GABRA1: variants seen among roughly 807,000 people sequenced by gnomAD.
The protein encoded by GABRA1 is gamma-aminobutyric acid receptor subunit alpha-1.
In GABRA1, 9 loss-of-function variants were observed where a neutral mutation model predicts 48.9. The ratio of observed to expected loss-of-function variants is 0.18; its 90% CI spans 0.11 to 0.32. The LOEUF is 0.32. Among genes scored for constraint, GABRA1 ranks in the 10% least tolerant of loss-of-function variants. The probability of loss-of-function intolerance (pLI) is 1.00; values close to 1 mark genes in which losing one functional copy is unlikely to be tolerated. For synonymous variants in GABRA1, 210 were observed against 198.7 expected (o/e 1.06, Z -0.48); for missense variants, 285 against 553.8 (o/e 0.51, Z 4.87).
rs1478982595 is a variant in GABRA1 at position 161,899,563 on chromosome 5, A to G, written c.*2141A>G. The G allele has an allele frequency of 6.6e-6, 1 of 151,998 alleles. No homozygotes were observed. Among genetic ancestry groups the G allele is most frequent in the African/African-American group, 2.4e-5 (1 of 41,402 alleles). The allele number at this position is 151,998 out of a possible 1,614,324, so 9.4% of individuals were successfully genotyped here. Reference sequence around the variant, plus strand: ...TTATTAGTCTGCTTCCTGCTACGCAATGACTGCATTTCTATCATTTCTCAG... The same window carrying G: ...TTATTAGTCTGCTTCCTGCTACGCAGTGACTGCATTTCTATCATTTCTCAG... On this transcript the variant is annotated 3_prime_UTR_variant, in exon 10 of 10. Coordinates refer to ENST00000393943, the MANE Select transcript of GABRA1 (RefSeq NM_001127644.2).
chr5:161,850,081 T>TTGTGTGTGTG (rs61241552), intron 1 of GABRA1: 35,289 of 147,810 alleles, frequency 0.24, 4,404 homozygotes, highest in East Asian at 0.47. Flanking sequence ...TTGTGTGCAT[T>TTGTGTGTGTG]TGTGTGTGTG....
At chr5:161,879,914 T>C (rs994125011) in intron 6 of GABRA1, among the ~76,000 whole-genome samples, 10 of 152,178 alleles carry the variant, frequency 6.6e-5, no homozygotes, top group African/African-American at 2.4e-4. Flanking sequence ...TATAAAAAGA[T>C]AGGGTGCAGA....
chr5:161,873,771 T>C (rs1754226643), intron 5 of GABRA1, among the ~76,000 whole-genome samples: 1 of 152,150 alleles, frequency 6.6e-6, no homozygotes, highest in Non-Finnish European at 1.5e-5. Flanking sequence ...GACATAGGTA[T>C]TTTAAGAAGT....
rs528778898 is a variant in GABRA1, at chr5:161,866,930, C to G, written c.255+1142C>G. Among the ~76,000 whole-genome samples the G allele has an allele frequency of 8.5e-5, 13 of 152,148 alleles. No individual in the cohort carries two copies. The East Asian group carries it at 2.5e-3, about 29-fold the overall frequency. On this transcript the variant is annotated intron_variant, in intron 4 of 9. Coordinates refer to ENST00000393943, the MANE Select transcript of GABRA1 (RefSeq NM_001127644.2). ...AATGCAGATTTCTGAACCAGATTGCCTGGTTTATAATGCCAGCTACTTCAC... is the reference window on the plus strand; with the variant it reads ...AATGCAGATTTCTGAACCAGATTGCGTGGTTTATAATGCCAGCTACTTCAC...
chr5:161,876,600 A>G (rs1754365680), intron 6 of GABRA1, among the ~76,000 whole-genome samples: 2 of 152,190 alleles, frequency 1.3e-5, no homozygotes, highest in African/African-American at 2.4e-5. Flanking sequence ...TCAGTCCTGG[A>G]GAGAGAATTT....
chr5:161,883,058 T>C (rs989605105), intron 7 of GABRA1, among the ~76,000 whole-genome samples: 1 of 152,170 alleles, frequency 6.6e-6, no homozygotes, highest in Non-Finnish European at 1.5e-5. Context: ...TTGGAAGAAA[T>C]ACATTAAATT....
At chr5:161,866,271 A>G (rs1016607881) in intron 4 of GABRA1, among the ~76,000 whole-genome samples, 1 of 152,124 alleles carries the variant, frequency 6.6e-6, no homozygotes, top group African/African-American at 2.4e-5. Flanking sequence ...CACCACCAGG[A>G]AACATTCTGC....
chr5:161,858,522 C>A (rs1445481182), intron 3 of GABRA1, among the ~76,000 whole-genome samples: 1 of 151,706 alleles, frequency 6.6e-6, no homozygotes, highest in Admixed American at 6.6e-5. Flanking sequence ...GCCAAAATCC[C>A]AGGTGAGCCA....
In GABRA1 at chr5:161,897,987, T is replaced by C. The variant is rs1183105798; in HGVS notation, c.*565T>C. The C allele has an allele frequency of 6.6e-6, 1 of 151,724 alleles. No homozygotes were observed. The highest frequency in any genetic ancestry group is 6.6e-5 in the Admixed American group (1 of 15,210). The allele number at this position is 151,724 out of a possible 1,614,324, so 9.4% of individuals were successfully genotyped here. ...AGCTGAAGATCCCCATTCTTTCTCT[T>C]TGAAAAAAAAAAAGGCCTAATGCAT... On this transcript the variant is annotated 3_prime_UTR_variant, in exon 10 of 10. Transcript: ENST00000393943.
chr5:161,892,742 C>T (rs1255682363), intron 8 of GABRA1, among the ~76,000 whole-genome samples: 1 of 152,070 alleles, frequency 6.6e-6, no homozygotes, highest in African/African-American at 2.4e-5. Flanking sequence ...ACGGGGCCCA[C>T]GTCTGTAATC....
intron 8 of GABRA1, among the ~76,000 whole-genome samples, chr5:161,894,442 C>T (rs1408893388): frequency 1.3e-5 from 2 of 152,076 alleles, no homozygotes; most frequent in East Asian, 1.9e-4. Flanking sequence ...GCAAAAATGT[C>T]CTTCTCCTAG....
chr5:161,891,205 A>G (rs1310543189), intron 8 of GABRA1, among the ~76,000 whole-genome samples, 155 bp downstream of exon 8: 2 of 152,186 alleles, frequency 1.3e-5, no homozygotes, highest in Non-Finnish European at 2.9e-5. Context: ...TCATTATGGT[A>G]TATATTTTTT....
intron 3 of GABRA1, among the ~76,000 whole-genome samples, chr5:161,856,745 T>C (rs1757661396): frequency 6.6e-6 from 1 of 151,280 alleles, no homozygotes; most frequent in Non-Finnish European, 1.5e-5. Context: ...ATTACTTATA[T>C]CTACAGAGTC....
In GABRA1 at chr5:161,854,226, G is replaced by C; in HGVS notation, c.143G>C (p.Arg48Thr). 6.2e-7 allele frequency: 1 copy of C among 1,608,978 alleles called. No individual in the cohort carries two copies. The highest frequency in any genetic ancestry group is 8.5e-7 in the Non-Finnish European group (1 of 1,175,648). The change falls in exon 3 of 10, where the codon AGA becomes ACA. Residue 48 changes from arginine to threonine, a missense_variant. By Grantham distance (71) the Arg-to-Thr change is moderately conservative. This residue lies in a region of GABRA1 where 105 missense variants were observed against 267.4 expected (regional missense o/e 0.39). Transcript: ENST00000393943. ...ACTGTCTTCACCAGGATTTTGGACA[G>C]ACTCCTAGATGGTTATGACAATCGC... ...NTTVFTRILD[R>T]LLDGYDNRLR...
chr5:161,872,226 CAAAT>C (rs2113377720), intron 4 of GABRA1: 1 of 152,680 alleles, frequency 6.5e-6, no homozygotes, highest in East Asian at 1.9e-4. Context: ...GCCAGTGTGG[CAAAT>C]ACTGCAAGAA....
At position 161,895,648 on chromosome 5, in the gene GABRA1, T is replaced by TA; in HGVS notation, c.857-18_857-17insA. 6.3e-7 allele frequency: 1 copy of TA among 1,596,094 alleles called. No homozygotes were observed. The highest frequency in any genetic ancestry group is 8.6e-7 in the Non-Finnish European group (1 of 1,167,624). ...CAGTATGAACTGGCATCATGTATGTTTTTTTTTTTCTTTACAGGAGTAACA... is the reference window on the plus strand; with the variant it reads ...CAGTATGAACTGGCATCATGTATGTTATTTTTTTTTCTTTACAGGAGTAACA... On this transcript the variant is annotated splice_polypyrimidine_tract_variant and intron_variant, in intron 8 of 9. Coordinates refer to ENST00000393943, the MANE Select transcript of GABRA1 (RefSeq NM_001127644.2).
chr5:161,873,088 A>G (rs558846413), intron 4 of GABRA1, 29 bp from the exon 5 acceptor site: 1 of 1,519,484 alleles, frequency 6.6e-7, no homozygotes, highest in South Asian at 1.1e-5. Flanking sequence ...AGCACAGTGA[A>G]CTCTTCGTCA....
intron 6 of GABRA1, among the ~76,000 whole-genome samples, chr5:161,877,487 CT>C (rs1290564036): frequency 6.6e-6 from 1 of 152,116 alleles, no homozygotes; most frequent in Non-Finnish European, 1.5e-5. Flanking sequence ...CACAAGATGG[CT>C]GCTGTAACTC....
chr5:161,884,714 A>G (rs1490162885), intron 7 of GABRA1, among the ~76,000 whole-genome samples: 2 of 152,312 alleles, frequency 1.3e-5, no homozygotes, highest in South Asian at 2.1e-4. Flanking sequence ...AAGTTGGAGA[A>G]TGTTGGGAAA....
Sources: allele counts gnomAD v4.1 joint callset (sites outside exome capture counted in the v4.1 genomes callset), GRCh38; gene constraint gnomAD v4.1.1; regional missense constraint gnomAD v4.1.1; transcripts MANE v1.5; gene names NCBI Gene and HGNC (gene_info 2026-07-23, HGNC 2026-07-21).